The following SLC2A12 variants were observed in gnomAD, a reference collection of about 807,000 sequenced individuals.
SLC2A12 encodes solute carrier family 2, facilitated glucose transporter member 12.
Under a neutral mutation model 41.8 loss-of-function variants are expected in SLC2A12, and 23 were observed. The ratio of observed to expected loss-of-function variants is 0.55; its 90% CI spans 0.40 to 0.78. SLC2A12 has a LOEUF of 0.78. SLC2A12 is among the 30% of genes least tolerant of loss of function. The probability of loss-of-function intolerance (pLI) is 0.00; values close to 1 mark genes in which losing one functional copy is unlikely to be tolerated. For missense variants in SLC2A12, 654 were observed against 745.6 expected (o/e 0.88, Z 1.43); for synonymous variants, 295 against 285.9 (o/e 1.03, Z -0.32).
In SLC2A12 at chr6:134,029,268, T is replaced by G; in HGVS notation, c.557A>C (p.Asn186Thr). ...ATGGAAAACATTGGCAAATGCGTAA[T>G]TTGAAATATAGGCAGAAAGAATGCC... ...VIGILSAYISNYAFANVFHGW... is the reference protein window; with the variant it reads ...VIGILSAYISTYAFANVFHGW... The change falls in exon 2 of 5, where the codon AAT becomes ACT. Residue 186 changes from asparagine to threonine, a missense_variant. Asn to Thr is a moderately conservative substitution (Grantham distance 65). Coordinates refer to ENST00000275230, the MANE Select transcript of SLC2A12 (RefSeq NM_145176.3). 5 of 1,614,188 alleles carry G rather than the reference T, an allele frequency of 3.1e-6. No homozygotes were observed. The highest frequency in any genetic ancestry group is 4.2e-6 in the Non-Finnish European group (5 of 1,180,042).
intron 1 of SLC2A12, among the ~76,000 whole-genome samples, chr6:134,047,268 A>G (rs1192012494): frequency 6.6e-6 from 1 of 152,224 alleles, no homozygotes; most frequent in African/African-American, 2.4e-5. Context: ...TTAAAATCTT[A>G]TATAACCCGT....
rs1002559 is a variant in SLC2A12 at position 134,005,147 on chromosome 6, T to A, written c.1567+1665A>T. Among the ~76,000 whole-genome samples, 13 of 152,132 alleles carry A rather than the reference T, an allele frequency of 8.5e-5. No individual in the cohort carries two copies. The East Asian group carries it at 2.5e-3, about 29-fold the overall frequency. On this transcript the variant is annotated intron_variant, in intron 3 of 4. Transcript: ENST00000275230. ...GCGAATGCTTCTGTTTCTGATTTGATCCCTAATATTGGGTTATTTTATTAT... is the reference window on the plus strand; with the variant it reads ...GCGAATGCTTCTGTTTCTGATTTGAACCCTAATATTGGGTTATTTTATTAT...
intron 2 of SLC2A12, among the ~76,000 whole-genome samples, chr6:134,008,515 C>G (rs978828779): frequency 6.6e-6 from 1 of 152,142 alleles, no homozygotes; most frequent in African/African-American, 2.4e-5. Flanking sequence ...CACCTGTCTT[C>G]CCCTGCCCCT....
chr6:134,001,387 G>A (rs1776752695), intron 4 of SLC2A12, among the ~76,000 whole-genome samples: 1 of 151,996 alleles, frequency 6.6e-6, no homozygotes, highest in African/African-American at 2.4e-5. Flanking sequence ...TTAGTTTCAG[G>A]AAAAAATCAG....
chr6:134,047,270 A>G (rs1026728319), intron 1 of SLC2A12, among the ~76,000 whole-genome samples: 2 of 152,222 alleles, frequency 1.3e-5, no homozygotes, highest in Admixed American at 1.3e-4. Context: ...AAAATCTTAT[A>G]TAACCCGTTC....
chr6:134,033,063 G>T (rs1202097094), intron 1 of SLC2A12, among the ~76,000 whole-genome samples: 5 of 151,778 alleles, frequency 3.3e-5, no homozygotes, highest in Admixed American at 3.3e-4. Context: ...GGAACTGTCA[G>T]ATGGCCAGCA....
At chr6:134,046,752 G>A (rs1242286179) in intron 1 of SLC2A12, among the ~76,000 whole-genome samples, 2 of 152,156 alleles carry the variant, frequency 1.3e-5, no homozygotes, top group East Asian at 1.9e-4. Context: ...TGGAGGTTGC[G>A]GTGAGCTGAG....
Position 134,005,659 on chromosome 6 carries a change from TAAAAAAAAAAAA to T in SLC2A12, c.1567+1141_1567+1152del, listed in dbSNP as rs56710009. 1.4e-3 allele frequency among the ~76,000 whole-genome samples: 90 copies of T among 64,976 alleles called. 1 individual carries two copies. Among genetic ancestry groups the T allele is most frequent in the African/African-American group, 5.2e-3 (77 of 14,822 alleles). The allele number at this position is 64,976 out of a possible 152,430, so 42.6% of individuals were successfully genotyped here. On this transcript the variant is annotated intron_variant, in intron 3 of 4. Coordinates refer to ENST00000275230, the MANE Select transcript of SLC2A12 (RefSeq NM_145176.3). ...TGGGCAAGAGAGTGAGACTCTGTCT[TAAAAAAAAAAAA>T]AAAAAAAAAAAAAAAAAAAAAAGAA...
chr6:134,030,720 T>C (rs1234703416), intron 1 of SLC2A12, among the ~76,000 whole-genome samples: 1 of 152,190 alleles, frequency 6.6e-6, no homozygotes, highest in East Asian at 1.9e-4. Context: ...ACATATAACA[T>C]GTGGGGCACA....
chr6:134,006,192 AC>A lies in SLC2A12; in HGVS notation c.1567+619del, dbSNP rs765215967. 8.6e-3 allele frequency among the ~76,000 whole-genome samples: 1,158 copies of A among 134,920 alleles called. 98 individuals carry two copies. The highest frequency in any genetic ancestry group is 0.013 in the Non-Finnish European group (803 of 63,600). The allele number at this position is 134,920 out of a possible 152,430, so 88.5% of individuals were successfully genotyped here. A position where few individuals can be genotyped will look rare whatever the true frequency, so the allele number is the denominator to read the frequency against. On this transcript the variant is annotated intron_variant, in intron 3 of 4. Coordinates refer to ENST00000275230, the MANE Select transcript of SLC2A12 (RefSeq NM_145176.3). ...AGACTATCGGAAAAAAAAAAAAAAA[AC>A]AAAAAAAAAAACAGAGAAACAGAGA...
Position 133,989,545 on chromosome 6 carries a change from A to C in SLC2A12, c.*1610T>G, listed in dbSNP as rs928236213. The stretch of plus-strand genomic sequence containing the variant: ...ACACTTCCCTTCTCTTTCCAAAAAC[A>C]AAAAACAATGCATGCTCTGATTTGC... On this transcript the variant is annotated 3_prime_UTR_variant, in exon 5 of 5. Transcript: ENST00000275230. 1.3e-5 allele frequency: 2 copies of C among 152,172 alleles called. No homozygotes were observed. The highest frequency in any genetic ancestry group is 1.3e-4 in the Admixed American group (2 of 15,268). The allele number at this position is 152,172 out of a possible 1,614,324, so 9.4% of individuals were successfully genotyped here.
At chr6:134,051,208 G>T (rs968624414) in intron 1 of SLC2A12, among the ~76,000 whole-genome samples, 6 of 152,184 alleles carry the variant, frequency 3.9e-5, no homozygotes, top group African/African-American at 1.4e-4. Context: ...TTACAGGCAT[G>T]AGCCACCACG....
chr6:134,050,061 G>A (rs6569923), intron 1 of SLC2A12, among the ~76,000 whole-genome samples: 13,668 of 152,196 alleles, frequency 0.09, 1,301 homozygotes, highest in African/African-American at 0.24. Context: ...GAAGCCAAAA[G>A]GAGTATTTGA....
intron 2 of SLC2A12, among the ~76,000 whole-genome samples, chr6:134,013,347 T>C (rs747524114): frequency 6.6e-6 from 1 of 152,084 alleles, no homozygotes; most frequent in Non-Finnish European, 1.5e-5. Flanking sequence ...TTGAAATTTT[T>C]TTATTTACTC....
At chr6:134,036,572 G>C (rs1313172625) in intron 1 of SLC2A12, among the ~76,000 whole-genome samples, 2 of 152,146 alleles carry the variant, frequency 1.3e-5, no homozygotes, top group Non-Finnish European at 2.9e-5. Context: ...GCCTTTCTGA[G>C]ACCTGTCCTT....
intron 1 of SLC2A12, among the ~76,000 whole-genome samples, chr6:134,049,565 A>G (rs1773645342): frequency 6.6e-6 from 1 of 152,158 alleles, no homozygotes; most frequent in Admixed American, 6.6e-5. Context: ...CACTTCATTT[A>G]TATCTGTTGT....
At chr6:134,035,151 C>CAAAAAAAAAAAA (rs71003662) in intron 1 of SLC2A12, among the ~76,000 whole-genome samples, 1 of 107,910 alleles carries the variant, frequency 9.3e-6, no homozygotes, top group Non-Finnish European at 1.9e-5. Context: ...GGCTGCCTGA[C>CAAAAAAAAAAAA]AAAAAAAAAA....
chr6:134,027,683 ATTC>A (rs1777133458), intron 2 of SLC2A12, among the ~76,000 whole-genome samples: 1 of 152,206 alleles, frequency 6.6e-6, no homozygotes, highest in African/African-American at 2.4e-5. Flanking sequence ...CAAACAGCCT[ATTC>A]TAGTAAATCC....
At chr6:134,007,759 A>G (rs1776832572) in intron 2 of SLC2A12, among the ~76,000 whole-genome samples, 1 of 152,132 alleles carries the variant, frequency 6.6e-6, no homozygotes, top group Non-Finnish European at 1.5e-5. Flanking sequence ...TTTTACAAAC[A>G]TTTTTACAAC....
Sources: gnomAD v4.1 joint callset for allele counts (sites outside exome capture counted in the v4.1 genomes callset) on GRCh38, gnomAD v4.1.1 for gene constraint, MANE v1.5 for transcripts, NCBI Gene and HGNC (gene_info 2026-07-23, HGNC 2026-07-21) for gene names.